The following NAT2 variants were observed in gnomAD, a reference collection of about 807,000 sequenced individuals.
NAT2 encodes N-acetyltransferase 2.
For missense variants in NAT2, 428 were observed against 339.1 expected (o/e 1.26, Z -2.06); for synonymous variants, 137 against 125.9 (o/e 1.09, Z -0.59).
chr8:18,392,452 A>G (rs925166861), intron 1 of NAT2, among the ~76,000 whole-genome samples: 1 of 152,224 alleles, frequency 6.6e-6, no homozygotes, highest in Non-Finnish European at 1.5e-5. Context: ...GGAAGCATCC[A>G]GCACAGGAGA....
chr8:18,392,923 A>T (rs1032118197), intron 1 of NAT2, among the ~76,000 whole-genome samples: 3 of 152,118 alleles, frequency 2.0e-5, no homozygotes, highest in Non-Finnish European at 4.4e-5. Flanking sequence ...AAAAGATGGT[A>T]AATGTTTCTA....
intron 1 of NAT2, among the ~76,000 whole-genome samples, chr8:18,392,246 G>A (rs1800603220): frequency 6.6e-6 from 1 of 152,206 alleles, no homozygotes; most frequent in Non-Finnish European, 1.5e-5. Flanking sequence ...ATAAAGGGGA[G>A]TTTATTAAGG....
chr8:18,387,643 T>G (rs73666637), upstream of NAT2: 798 of 156,988 alleles, frequency 5.1e-3, 6 homozygotes, highest in African/African-American at 0.018. Flanking sequence ...CTTTGCTCCC[T>G]TCCCTTTTTG....
upstream of NAT2, among the ~76,000 whole-genome samples, chr8:18,388,368 C>G (rs1465473142): frequency 2.0e-5 from 3 of 152,122 alleles, no homozygotes; most frequent in African/African-American, 7.2e-5. Context: ...GACTTCAATT[C>G]TGTCATGGAT....
chr8:18,387,258 G>GCGCCGCCGC (rs531786575), upstream of NAT2: 1 of 153,270 alleles, frequency 6.5e-6, no homozygotes, highest in Non-Finnish European at 1.5e-5. Flanking sequence ...CCCGCTGGCG[G>GCGCCGCCGC]CGCCGCCGCC....
upstream of NAT2, chr8:18,387,335 C>T (rs1800520945): frequency 1.3e-5 from 2 of 152,128 alleles, no homozygotes; most frequent in Admixed American, 6.5e-5. Flanking sequence ...CGGATTGTCG[C>T]GCCCTCCGCC....
upstream of NAT2, among the ~76,000 whole-genome samples, chr8:18,390,962 C>G (rs1800583517): frequency 1.3e-5 from 2 of 152,134 alleles, no homozygotes; most frequent in African/African-American, 4.8e-5. Flanking sequence ...GTTATTGGTT[C>G]TGCTGTTCCT....
chr8:18,400,504 G>C lies in NAT2; in HGVS notation c.501G>C (p.Glu167Asp). 1.2e-6 allele frequency: 2 copies of C among 1,613,674 alleles called. No individual in the cohort carries two copies. Among genetic ancestry groups the C allele is most frequent in the Non-Finnish European group, 8.5e-7 (1 of 1,179,914 alleles). Residue 167 changes from glutamate to aspartate, a missense_variant, in exon 2 of 2, where the codon GAG becomes GAC. By Grantham distance (45) the Glu-to-Asp change is conservative. Transcript: ENST00000286479. ...GGTACCTGGACCAAATCAGGAGAGA[G>C]CAGTATATTACAAACAAAGAATTTC... Reference protein sequence around the residue: ...GIWYLDQIRREQYITNKEFLN... With the variant: ...GIWYLDQIRRDQYITNKEFLN...
intron 1 of NAT2, among the ~76,000 whole-genome samples, chr8:18,396,191 G>A (rs997967646): frequency 3.3e-5 from 5 of 151,970 alleles, no homozygotes; most frequent in African/African-American, 4.8e-5. Context: ...TAAAAGAGCA[G>A]ATTAGTATTC....
chr8:18,390,836 G>T (rs1421976682), upstream of NAT2, among the ~76,000 whole-genome samples: 1 of 152,126 alleles, frequency 6.6e-6, no homozygotes, highest in Non-Finnish European at 1.5e-5. Context: ...TGAGAGTGAG[G>T]ATGAGAGATG....
chr8:18,392,542 T>C (rs1800608382), intron 1 of NAT2, among the ~76,000 whole-genome samples: 1 of 152,224 alleles, frequency 6.6e-6, no homozygotes, highest in Non-Finnish European at 1.5e-5. Context: ...TGCTGGCAGC[T>C]GATTAGATGG....
rs56011639 is a variant in NAT2, at chr8:18,401,137, C to T, written c.*261C>T. The T allele has an allele frequency of 7.7e-4, 251 of 327,440 alleles. 1 individual carries two copies. The highest frequency in any genetic ancestry group is 5.1e-3 in the African/African-American group (239 of 46,758). The allele number at this position is 327,440 out of a possible 1,614,324, so 20.3% of individuals were successfully genotyped here. ...ATCTTGGGAAGCAGAGTGATTCATGCTAGAAAACATTTAATATTGATTTAT... is the reference window on the plus strand; with the variant it reads ...ATCTTGGGAAGCAGAGTGATTCATGTTAGAAAACATTTAATATTGATTTAT... On this transcript the variant is annotated 3_prime_UTR_variant, in exon 2 of 2. Coordinates refer to ENST00000286479, the MANE Select transcript of NAT2 (RefSeq NM_000015.3).
At chr8:18,387,350 TCGGCAGGTCTGTC>T (rs1800521222), upstream of NAT2, 1 of 152,190 alleles carries the variant, frequency 6.6e-6, no homozygotes, top group East Asian at 1.9e-4. Context: ...TCCGCCTGGT[TCGGCAGGTCTGTC>T]CGCGGCCCCT....
intron 1 of NAT2, among the ~76,000 whole-genome samples, chr8:18,396,765 T>TA (rs1360860971): frequency 6.6e-6 from 1 of 152,156 alleles, no homozygotes; most frequent in Non-Finnish European, 1.5e-5. Context: ...GAGCTATCTG[T>TA]AAAAAAATAC....
chr8:18,386,649 C>T (rs947701389), upstream of NAT2, among the ~76,000 whole-genome samples: 1 of 152,150 alleles, frequency 6.6e-6, no homozygotes, highest in Non-Finnish European at 1.5e-5. Flanking sequence ...CATTCTCTTC[C>T]TGTCCTATGG....
At chr8:18,389,099 C>G (rs2117608888), upstream of NAT2, among the ~76,000 whole-genome samples, 1 of 152,336 alleles carries the variant, frequency 6.6e-6, no homozygotes, top group African/African-American at 2.4e-5. Flanking sequence ...TCTTGCTGGA[C>G]ATCCTCAAGG....
upstream of NAT2, chr8:18,387,131 T>A (rs1452705668): frequency 6.5e-6 from 1 of 152,718 alleles, no homozygotes; most frequent in Non-Finnish European, 1.5e-5. Flanking sequence ...CTCCAGGTCC[T>A]GGACGGGATC....
intron 1 of NAT2, among the ~76,000 whole-genome samples, chr8:18,394,977 A>G (rs1800659648): frequency 6.6e-6 from 1 of 152,216 alleles, no homozygotes; most frequent in Non-Finnish European, 1.5e-5. Flanking sequence ...CACAAATATT[A>G]AAAGCTGTAA....
Position 18,400,937 on chromosome 8 carries a change from G to T in NAT2, c.*61G>T. 7.6e-7 allele frequency: 1 copy of T among 1,307,910 alleles called. No individual in the cohort carries two copies. The highest frequency in any genetic ancestry group is 1.5e-5 in the South Asian group (1 of 64,896). 81.0% of individuals were successfully genotyped at this position (1,307,910 alleles called of 1,614,324 possible). ...CCCAACTCACTAATTATCAACTTAT[G>T]TGCTATCAGATATCCTCTCTACCCT... On this transcript the variant is annotated 3_prime_UTR_variant, in exon 2 of 2. Transcript: ENST00000286479.
Sources: gnomAD v4.1 joint callset for allele counts (sites outside exome capture counted in the v4.1 genomes callset) on GRCh38, gnomAD v4.1.1 for gene constraint, MANE v1.5 for transcripts, NCBI Gene and HGNC (gene_info 2026-07-23, HGNC 2026-07-21) for gene names.